NAV3: variants seen among roughly 807,000 people sequenced by gnomAD.
NAV3 encodes the protein pore membrane and/or filament interacting like protein 1.
NAV3 carries 87 observed loss-of-function variants against 244.7 expected under a neutral mutation model. The observed-to-expected ratio is 0.36, with a 90% confidence interval of 0.30 to 0.42. NAV3 has a LOEUF of 0.42. Ranked by LOEUF, NAV3 falls within the 20% of genes least tolerant of loss-of-function variation. The pLI is 1.00. For synonymous variants in NAV3, 1,126 were observed against 1,042.2 expected (o/e 1.08, Z -1.55); for missense variants, 2,663 against 2,893.3 (o/e 0.92, Z 1.83).
At chr12:78,176,190 G>A (rs365121) in intron 25 of NAV3, among the ~76,000 whole-genome samples, 10,051 of 151,206 alleles carry the variant, frequency 0.066, 315 homozygotes, top group African/African-American at 0.085. Context: ...CTGTTACTGC[G>A]AAAAATTTAA....
At chr12:77,848,417 T>C (rs1876978334) in intron 1 of NAV3, among the ~76,000 whole-genome samples, 2 of 152,224 alleles carry the variant, frequency 1.3e-5, no homozygotes. Context: ...ATTTTGCTAC[T>C]AGCTGTAAAG....
At chr12:77,936,122 G>A (rs921522517) in intron 1 of NAV3, among the ~76,000 whole-genome samples, 3 of 152,222 alleles carry the variant, frequency 2.0e-5, no homozygotes, top group Non-Finnish European at 4.4e-5. Context: ...CAAATATTAA[G>A]TGGCAGAGCA....
chr12:77,581,915 C>T (rs1869383810), intron 2 of NAV3, among the ~76,000 whole-genome samples: 1 of 152,158 alleles, frequency 6.6e-6, no homozygotes. Flanking sequence ...TTATACTCAT[C>T]ACTTGTCCTT....
chr12:78,133,351 T>C (rs1388103333), intron 18 of NAV3, among the ~76,000 whole-genome samples: 1 of 151,740 alleles, frequency 6.6e-6, no homozygotes, highest in Non-Finnish European at 1.5e-5. Flanking sequence ...AAATGAGTAC[T>C]CTTAAAATGC....
At chr12:77,752,303 ATTTG>A (rs1043396447) in intron 2 of NAV3, among the ~76,000 whole-genome samples, 4 of 152,098 alleles carry the variant, frequency 2.6e-5, no homozygotes, top group Admixed American at 6.6e-5. Flanking sequence ...GAAGGAAACT[ATTTG>A]TTTGACATTT....
At chr12:77,577,245 T>C (rs1869132349) in intron 2 of NAV3, among the ~76,000 whole-genome samples, 1 of 152,154 alleles carries the variant, frequency 6.6e-6, no homozygotes, top group African/African-American at 2.4e-5. Context: ...TGTCTCCCAG[T>C]TATTTTATCT....
chr12:78,035,181 A>G (rs1387217888), intron 9 of NAV3, among the ~76,000 whole-genome samples: 1 of 152,210 alleles, frequency 6.6e-6, no homozygotes, highest in Non-Finnish European at 1.5e-5. Flanking sequence ...GAGATTGGGT[A>G]TTTCCTCTAT....
Position 77,766,499 on chromosome 12 carries a change from T to G in NAV3, c.73-173820T>G, listed in dbSNP as rs12297376. Reference sequence around the variant, plus strand: ...ACATTCATCAACTTGCTGTCTAATGTGGATAATGGCCAAGGGAATGTTTTT... The same window carrying G: ...ACATTCATCAACTTGCTGTCTAATGGGGATAATGGCCAAGGGAATGTTTTT... On this transcript the variant is annotated intron_variant, in intron 2 of 8. Transcript: ENST00000550042. 3.0e-3 allele frequency among the ~76,000 whole-genome samples: 455 copies of G among 152,288 alleles called. 3 individuals carry two copies. The highest frequency in any genetic ancestry group is 0.01 in the African/African-American group (434 of 41,568).
rs576927191 is a variant in NAV3 at position 78,087,485 on chromosome 12, C to T, written c.2636+28370C>T. Among the ~76,000 whole-genome samples, 205 of 152,034 alleles carry T rather than the reference C, an allele frequency of 1.3e-3. 1 individual carries two copies. Among genetic ancestry groups the T allele is most frequent in the African/African-American group, 4.9e-3 (202 of 41,526 alleles). On this transcript the variant is annotated intron_variant, in intron 12 of 39. Coordinates refer to ENST00000397909, the MANE Select transcript of NAV3 (RefSeq NM_001024383.2). ...TAACCACCCTGGAAATTGCAATCTACAGCAAGAAATGAGTATTTCAGAGAT... is the reference window on the plus strand; with the variant it reads ...TAACCACCCTGGAAATTGCAATCTATAGCAAGAAATGAGTATTTCAGAGAT...
intron 1 of NAV3, among the ~76,000 whole-genome samples, chr12:77,924,987 T>C (rs2137225498): frequency 6.6e-6 from 1 of 152,034 alleles, no homozygotes. Flanking sequence ...CAGTAGTTAG[T>C]GGTGGAACTT....
intron 9 of NAV3, among the ~76,000 whole-genome samples, chr12:78,042,209 C>A (rs1457534954): frequency 1.3e-5 from 2 of 152,184 alleles, no homozygotes; most frequent in African/African-American, 4.8e-5. Flanking sequence ...AGGTCACTAG[C>A]TTGGGGAAGT....
At chr12:78,132,875 C>A (rs1017544913) in intron 18 of NAV3, among the ~76,000 whole-genome samples, 1 of 152,094 alleles carries the variant, frequency 6.6e-6, no homozygotes, top group African/African-American at 2.4e-5. Flanking sequence ...CTTATAATTT[C>A]ATGTATCATC....
intron 1 of NAV3, among the ~76,000 whole-genome samples, chr12:77,840,388 T>C (rs1875436652): frequency 6.6e-6 from 1 of 152,066 alleles, no homozygotes; most frequent in Non-Finnish European, 1.5e-5. Context: ...CAAAATAAAA[T>C]ATATAAAGAG....
intron 2 of NAV3, among the ~76,000 whole-genome samples, chr12:77,579,742 C>G (rs901112095): frequency 3.3e-5 from 5 of 152,158 alleles, no homozygotes; most frequent in Non-Finnish European, 7.4e-5. Flanking sequence ...CACTCAAGAC[C>G]TGATGAAACT....
At chr12:77,684,853 T>TG (rs1401389736) in intron 2 of NAV3, among the ~76,000 whole-genome samples, 1 of 152,180 alleles carries the variant, frequency 6.6e-6, no homozygotes, top group African/African-American at 2.4e-5. Flanking sequence ...GTATAAATCA[T>TG]GGTTCCGTTT....
chr12:77,714,859 A>G (rs1051094972), intron 2 of NAV3, among the ~76,000 whole-genome samples: 1 of 152,172 alleles, frequency 6.6e-6, no homozygotes, highest in African/African-American at 2.4e-5. Flanking sequence ...TATTATTAAA[A>G]GTCTTACTTG....
chr12:78,085,669 A>G (rs150885253), intron 12 of NAV3, among the ~76,000 whole-genome samples: 134 of 152,210 alleles, frequency 8.8e-4, no homozygotes, highest in African/African-American at 3.0e-3. Context: ...TGTGGGCTGA[A>G]CATTCAGGAG....
chr12:77,585,994 C>G (rs1476908757), intron 2 of NAV3, among the ~76,000 whole-genome samples: 3 of 152,102 alleles, frequency 2.0e-5, no homozygotes, highest in Admixed American at 2.0e-4. Context: ...GACCCCATCT[C>G]TACTAAAAAT....
At chr12:78,066,247 A>G (rs911040395) in intron 12 of NAV3, among the ~76,000 whole-genome samples, 1 of 152,106 alleles carries the variant, frequency 6.6e-6, no homozygotes, top group Non-Finnish European at 1.5e-5. Context: ...GTCCCTGAGC[A>G]TGTTTAATGA....
Sources: gnomAD v4.1 joint callset for allele counts (sites outside exome capture counted in the v4.1 genomes callset) on GRCh38, gnomAD v4.1.1 for gene constraint, MANE v1.5 for transcripts, NCBI Gene and HGNC (gene_info 2026-07-23, HGNC 2026-07-21) for gene names.